The following WWOX variants were observed in gnomAD, a reference collection of about 807,000 sequenced individuals.
WWOX encodes the protein WW domain containing oxidoreductase, also known as WW domain-containing oxidoreductase.
A neutral mutation model predicts 46.2 loss-of-function variants in WWOX; 69 were observed. The ratio of observed to expected loss-of-function variants is 1.49; its 90% confidence interval spans 1.23 to 1.82. The LOEUF (loss-of-function observed/expected upper bound fraction) is 1.82. WWOX is among the 40% of genes most tolerant of loss of function. WWOX has a pLI of 0.00. For synonymous variants in WWOX, 359 were observed against 202.6 expected (o/e 1.77, Z -6.56); for missense variants, 919 against 542.6 (o/e 1.69, Z -6.89).
At chr16:78,473,888 C>G (rs2084293582) in intron 8 of WWOX, among the ~76,000 whole-genome samples, 1 of 152,150 alleles carries the variant, frequency 6.6e-6, no homozygotes, top group East Asian at 1.9e-4. Context: ...TCTTCTTCGC[C>G]GTTGTTACCG....
chr16:78,983,293 G>A lies in WWOX; in HGVS notation c.1057-228315G>A, dbSNP rs540995002. ...GGAAGTGTCTGGCCAAGAAGCTGGCGGGAGAGTAGAATCAGGAACCAGGGC... is the reference window on the plus strand; with the variant it reads ...GGAAGTGTCTGGCCAAGAAGCTGGCAGGAGAGTAGAATCAGGAACCAGGGC... On this transcript the variant is annotated intron_variant, in intron 8 of 8. Transcript: ENST00000566780. Among the ~76,000 whole-genome samples the A allele has an allele frequency of 3.9e-5, 6 of 152,242 alleles. No individual in the cohort carries two copies. The East Asian group carries it at 1.2e-3, about 29-fold the overall frequency.
intron 8 of WWOX, among the ~76,000 whole-genome samples, chr16:78,626,117 A>T (rs1421974379): frequency 6.6e-6 from 1 of 151,668 alleles, no homozygotes; most frequent in African/African-American, 2.4e-5. Context: ...CCCATCCAGG[A>T]TACCACTTTT....
intron 8 of WWOX, among the ~76,000 whole-genome samples, chr16:78,727,825 C>T (rs2048872131): frequency 6.6e-6 from 1 of 151,992 alleles, no homozygotes; most frequent in South Asian, 2.1e-4. Flanking sequence ...ATGTGCCTGC[C>T]TTGCTCTACA....
chr16:78,109,320 CA>C (rs1192198850), intron 2 of WWOX, among the ~76,000 whole-genome samples: 4 of 148,110 alleles, frequency 2.7e-5, no homozygotes, highest in Non-Finnish European at 4.5e-5. Context: ...GACCCCATCT[CA>C]AAAAAAAATA....
chr16:78,680,699 AC>A (rs1284060756), intron 8 of WWOX, among the ~76,000 whole-genome samples: 1 of 152,220 alleles, frequency 6.6e-6, no homozygotes, highest in Non-Finnish European at 1.5e-5. Flanking sequence ...AGTGGCTCCC[AC>A]TGTGGGTAGC....
At chr16:79,133,478 T>TA (rs2049922516) in intron 8 of WWOX, among the ~76,000 whole-genome samples, 1 of 152,246 alleles carries the variant, frequency 6.6e-6, no homozygotes, top group Non-Finnish European at 1.5e-5. Flanking sequence ...TCTCTAACAG[T>TA]AAAGTACAGA....
intron 8 of WWOX, among the ~76,000 whole-genome samples, chr16:78,845,632 C>G (rs1015542576): frequency 6.6e-6 from 1 of 152,118 alleles, no homozygotes; most frequent in African/African-American, 2.4e-5. Context: ...TCAGCCTCCA[C>G]AAGGCAAAAA....
At chr16:78,379,459 C>T (rs958751890) in intron 5 of WWOX, among the ~76,000 whole-genome samples, 2 of 152,222 alleles carry the variant, frequency 1.3e-5, no homozygotes, top group African/African-American at 2.4e-5. Context: ...CCACCTCCAG[C>T]CACTGTACCG....
intron 8 of WWOX, among the ~76,000 whole-genome samples, chr16:78,827,236 G>A (rs1455780226): frequency 1.3e-5 from 2 of 152,196 alleles, no homozygotes; most frequent in Admixed American, 1.3e-4. Flanking sequence ...AAGACAGTGA[G>A]AGCAGATGTT....
At chr16:78,596,886 A>G (rs972132405) in intron 8 of WWOX, among the ~76,000 whole-genome samples, 2 of 152,176 alleles carry the variant, frequency 1.3e-5, no homozygotes, top group African/African-American at 4.8e-5. Flanking sequence ...ACACACAATC[A>G]GCCAGCTCTC....
chr16:78,253,144 T>G (rs1434577912), intron 5 of WWOX, among the ~76,000 whole-genome samples: 1 of 152,158 alleles, frequency 6.6e-6, no homozygotes, highest in Non-Finnish European at 1.5e-5. Context: ...TTTTGAAAGA[T>G]TTTTGGTATT....
At chr16:78,143,340 T>G (rs1384222149) in intron 4 of WWOX, among the ~76,000 whole-genome samples, 2 of 152,246 alleles carry the variant, frequency 1.3e-5, no homozygotes, top group Non-Finnish European at 2.9e-5. Flanking sequence ...CAAGGTCATC[T>G]TCACGTCTTT....
intron 8 of WWOX, among the ~76,000 whole-genome samples, chr16:78,991,741 G>C (rs1290529912): frequency 2.6e-5 from 4 of 152,050 alleles, no homozygotes; most frequent in African/African-American, 9.7e-5. Context: ...GTGATGTTAA[G>C]ATGAAACAGG....
At chr16:78,545,116 AC>A (rs2151533464) in intron 8 of WWOX, among the ~76,000 whole-genome samples, 1 of 152,298 alleles carries the variant, frequency 6.6e-6, no homozygotes, top group South Asian at 2.1e-4. Flanking sequence ...CTAAGTACAT[AC>A]CCACATTCTG....
intron 8 of WWOX, among the ~76,000 whole-genome samples, chr16:78,438,739 C>T (rs780573624): frequency 3.3e-5 from 5 of 152,142 alleles, no homozygotes; most frequent in African/African-American, 4.8e-5. Context: ...ACTTCTGCGA[C>T]GATCGGGTTA....
chr16:78,341,208 C>T (rs912320814), intron 5 of WWOX, among the ~76,000 whole-genome samples: 3 of 109,252 alleles, frequency 2.7e-5, no homozygotes, highest in East Asian at 2.0e-4. Context: ...CATTTTGTTT[C>T]CCAGGCTGGT....
intron 8 of WWOX, among the ~76,000 whole-genome samples, chr16:78,916,260 C>T (rs2045249318): frequency 1.3e-5 from 2 of 152,162 alleles, no homozygotes; most frequent in African/African-American, 4.8e-5. Flanking sequence ...TTTTAATCAG[C>T]GCTTTCTACT....
At position 78,758,945 on chromosome 16, in the gene WWOX, A is replaced by C. The variant is rs542408999; in HGVS notation, c.1056+326193A>C. The stretch of plus-strand genomic sequence containing the variant: ...AAAAAAACCACAAAAGACAAAAAAA[A>C]AAAAAACAAAAAACCTTCACAGACA... On this transcript the variant is annotated intron_variant, in intron 8 of 8. Transcript: ENST00000566780. Among the ~76,000 whole-genome samples, 269 of 151,670 alleles carry C rather than the reference A, an allele frequency of 1.8e-3. 1 individual carries two copies. Among genetic ancestry groups the C allele is most frequent in the Middle Eastern group, 3.4e-3 (1 of 290 alleles).
chr16:78,151,632 G>A (rs188591852), intron 4 of WWOX, among the ~76,000 whole-genome samples: 5 of 151,980 alleles, frequency 3.3e-5, no homozygotes, highest in Admixed American at 1.3e-4. Context: ...TTTCTCACTT[G>A]CCTTGATTGC....
Sources: gnomAD v4.1 joint callset for allele counts (sites outside exome capture counted in the v4.1 genomes callset) on GRCh38, gnomAD v4.1.1 for gene constraint, MANE v1.5 for transcripts, NCBI Gene and HGNC (gene_info 2026-07-23, HGNC 2026-07-21) for gene names.